The following TMEM170B variants were observed in gnomAD, a reference collection of about 807,000 sequenced individuals.
TMEM170B encodes transmembrane protein 170B.
A neutral mutation model predicts 13.0 loss-of-function variants in TMEM170B; 6 were observed. That is an observed-to-expected ratio of 0.46 (90% CI 0.25 to 0.91). TMEM170B has a LOEUF of 0.91. Ranked by LOEUF, TMEM170B falls within the 40% of genes least tolerant of loss-of-function variation. The pLI, the probability that TMEM170B is intolerant of heterozygous loss-of-function variation, is 0.17. For synonymous variants in TMEM170B, 61 were observed against 64.9 expected, an observed-to-expected ratio of 0.94 and a Z score of 0.29; for missense variants, 138 against 165.2, an observed-to-expected ratio of 0.84 and a Z score of 0.90.
At chr6:11,546,758 A>G (rs1413364238) in intron 1 of TMEM170B, among the ~76,000 whole-genome samples, 1 of 152,214 alleles carries the variant, frequency 6.6e-6, no homozygotes, top group Non-Finnish European at 1.5e-5. Flanking sequence ...TAAATGGAAT[A>G]TATGTTAGCT....
At chr6:11,560,696 T>C (rs1164332260) in intron 1 of TMEM170B, among the ~76,000 whole-genome samples, 7 of 147,114 alleles carry the variant, frequency 4.8e-5, no homozygotes, top group African/African-American at 1.8e-4. Context: ...TAAAATGATA[T>C]CATTCATCTC....
chr6:11,549,762 A>G (rs953049971), intron 1 of TMEM170B, among the ~76,000 whole-genome samples: 6 of 152,094 alleles, frequency 3.9e-5, no homozygotes, highest in Non-Finnish European at 5.9e-5. Flanking sequence ...GATTTTTTTC[A>G]CCAAACTTTA....
rs975722505 is a variant in TMEM170B at position 11,557,778 on chromosome 6, A to G, written c.98-7888A>G. Among the ~76,000 whole-genome samples, 5 of 152,172 alleles carry G rather than the reference A, an allele frequency of 3.3e-5. No individual in the cohort carries two copies. The South Asian group carries it at 8.3e-4, about 25-fold the overall frequency. On this transcript the variant is annotated intron_variant, in intron 1 of 2. Coordinates refer to ENST00000379426, the MANE Select transcript of TMEM170B (RefSeq NM_001100829.3). ...CAGACATCACACCTCGCTCATCTCT[A>G]TCATCCAGGCCATCCGCAAGTTCTC...
chr6:11,559,106 A>G (rs963679650), intron 1 of TMEM170B, among the ~76,000 whole-genome samples: 1 of 152,148 alleles, frequency 6.6e-6, no homozygotes, highest in Admixed American at 6.5e-5. Context: ...AGTTTGTTCC[A>G]ATAAAACTTT....
intron 2 of TMEM170B, among the ~76,000 whole-genome samples, chr6:11,571,411 G>A (rs1759800274): frequency 2.0e-5 from 3 of 152,094 alleles, no homozygotes; most frequent in African/African-American, 7.2e-5. Flanking sequence ...GGCACTTGAT[G>A]TTGTGTATCA....
intron 1 of TMEM170B, among the ~76,000 whole-genome samples, chr6:11,552,755 G>A (rs1468038797): frequency 6.6e-6 from 1 of 152,180 alleles, no homozygotes; most frequent in East Asian, 1.9e-4. Flanking sequence ...ATTAAAATGA[G>A]GTAGAATTTG....
At chr6:11,549,728 GTAGAT>G (rs1349130636) in intron 1 of TMEM170B, among the ~76,000 whole-genome samples, 1 of 151,652 alleles carries the variant, frequency 6.6e-6, no homozygotes, top group African/African-American at 2.4e-5. Context: ...CTTTGGCTAA[GTAGAT>G]TAAGCATTGA....
At chr6:11,561,489 C>T (rs1009656192) in intron 1 of TMEM170B, among the ~76,000 whole-genome samples, 15 of 152,160 alleles carry the variant, frequency 9.9e-5, no homozygotes, top group African/African-American at 3.6e-4. Context: ...TTCTCTTCAC[C>T]TGAACTAATC....
In TMEM170B at chr6:11,576,535, A is replaced by G. The variant is rs143468743; in HGVS notation, c.*974A>G. 11 of 152,258 alleles carry G rather than the reference A, an allele frequency of 7.2e-5. No homozygotes were observed. The highest frequency in any genetic ancestry group is 1.5e-4 in the Non-Finnish European group (10 of 67,998). The allele number at this position is 152,258 out of a possible 1,614,324, so 9.4% of individuals were successfully genotyped here. A position where few individuals can be genotyped will look rare whatever the true frequency, so the allele number is the denominator to read the frequency against. ...GTTGCATATATCTTGATTTTTGACAAAACATAAACAGTCTTTCATTCTGGA... is the reference window on the plus strand; with the variant it reads ...GTTGCATATATCTTGATTTTTGACAGAACATAAACAGTCTTTCATTCTGGA... On this transcript the variant is annotated 3_prime_UTR_variant, in exon 3 of 3. Transcript: ENST00000379426.
intron 1 of TMEM170B, among the ~76,000 whole-genome samples, chr6:11,538,713 C>T (rs942107842): frequency 3.9e-5 from 6 of 152,226 alleles, no homozygotes; most frequent in African/African-American, 1.2e-4. Context: ...TTCCATTACC[C>T]TCCTCCCCTC....
At chr6:11,566,259 A>C (rs774278354) in intron 2 of TMEM170B, among the ~76,000 whole-genome samples, 19 of 152,218 alleles carry the variant, frequency 1.2e-4, no homozygotes, top group Non-Finnish European at 2.1e-4. Context: ...ACAAAATAAA[A>C]TTGCACTTTC....
chr6:11,575,413 T>C lies in TMEM170B; in HGVS notation c.269-18T>C. 2 of 1,613,090 alleles carry C rather than the reference T, an allele frequency of 1.2e-6. No individual in the cohort carries two copies. Among genetic ancestry groups the C allele is most frequent in the South Asian group, 2.2e-5 (2 of 91,054 alleles). On this transcript the variant is annotated intron_variant, in intron 2 of 2. Coordinates refer to ENST00000379426, the MANE Select transcript of TMEM170B (RefSeq NM_001100829.3). This position sits in a 1 kb window ranked among gnomAD's most constrained non-coding sequence, Gnocchi z 4.1. ...ACGAGTGACTGTATCCCTTCATTTTTCTCCCGTTTCTCCTTAGGTGCAGCA... is the reference window on the plus strand; with the variant it reads ...ACGAGTGACTGTATCCCTTCATTTTCCTCCCGTTTCTCCTTAGGTGCAGCA...
chr6:11,554,285 TG>T (rs1004902414), intron 1 of TMEM170B, among the ~76,000 whole-genome samples: 14 of 152,124 alleles, frequency 9.2e-5, no homozygotes, highest in Admixed American at 1.3e-4. Flanking sequence ...AATCAAAAAA[TG>T]TTTTTTTGTA....
At chr6:11,555,563 A>C (rs1759576611) in intron 1 of TMEM170B, among the ~76,000 whole-genome samples, 3 of 152,166 alleles carry the variant, frequency 2.0e-5, no homozygotes, top group Admixed American at 2.0e-4. Flanking sequence ...AATTACATAT[A>C]TGTTAAACCA....
chr6:11,565,008 C>G (rs74320388), intron 1 of TMEM170B, among the ~76,000 whole-genome samples: 8,798 of 152,208 alleles, frequency 0.058, 278 homozygotes, highest in East Asian at 0.16. Flanking sequence ...GAATGTGAGA[C>G]AGAGAATGAA....
intron 1 of TMEM170B, among the ~76,000 whole-genome samples, chr6:11,556,228 G>A (rs1416254970): frequency 2.0e-5 from 3 of 152,138 alleles, no homozygotes; most frequent in South Asian, 2.1e-4. Flanking sequence ...TGTTGCTTCC[G>A]TTAGACCAAT....
chr6:11,573,523 T>C (rs978831274), intron 2 of TMEM170B, among the ~76,000 whole-genome samples: 1 of 152,156 alleles, frequency 6.6e-6, no homozygotes, highest in Admixed American at 6.6e-5. Flanking sequence ...AAGCAAGGCA[T>C]GGGAGGCTGT....
rs1760333418 is a variant in TMEM170B at position 11,578,953 on chromosome 6, A to G, written c.*3392A>G. The G allele has an allele frequency of 6.6e-6, 1 of 152,208 alleles. No individual in the cohort carries two copies. The highest frequency in any genetic ancestry group is 6.5e-5 in the Admixed American group (1 of 15,276). The allele number at this position is 152,208 out of a possible 1,614,324, so 9.4% of individuals were successfully genotyped here. A position where few individuals can be genotyped will look rare whatever the true frequency, so the allele number is the denominator to read the frequency against. On this transcript the variant is annotated 3_prime_UTR_variant, in exon 3 of 3. Coordinates refer to ENST00000379426, the MANE Select transcript of TMEM170B (RefSeq NM_001100829.3). Reference sequence around the variant, plus strand: ...CATACAGCAAATAATTCTATTTTGTAAACACTTCGTGTGGATCCACTATGT... The same window carrying G: ...CATACAGCAAATAATTCTATTTTGTGAACACTTCGTGTGGATCCACTATGT...
chr6:11,552,473 A>G (rs1037796121), intron 1 of TMEM170B, among the ~76,000 whole-genome samples: 1 of 152,242 alleles, frequency 6.6e-6, no homozygotes, highest in Non-Finnish European at 1.5e-5. Flanking sequence ...GCTAAATAGT[A>G]GAAAGGATAG....
Sources: allele counts gnomAD v4.1 joint callset (sites outside exome capture counted in the v4.1 genomes callset), GRCh38; gene constraint gnomAD v4.1.1; non-coding constraint Gnocchi (gnomAD v3.1); transcripts MANE v1.5; gene names NCBI Gene and HGNC (gene_info 2026-07-23, HGNC 2026-07-21).